Variants in WSB2 observed in about 807,000 individuals in gnomAD.
WSB2 encodes the protein WD repeat and SOCS box containing 2.
WSB2 carries 12 observed loss-of-function variants against 48.8 expected under a neutral mutation model. That is an observed-to-expected ratio of 0.25 (90% CI 0.16 to 0.40). The LOEUF is 0.40. Among genes scored for constraint, WSB2 ranks in the 10% least tolerant of loss-of-function variants. The pLI is 1.00. For synonymous variants in WSB2, 191 were observed against 203.1 expected (o/e 0.94, Z 0.51); for missense variants, 317 against 506.2 (o/e 0.63, Z 3.59).
intron 2 of WSB2, among the ~76,000 whole-genome samples, chr12:118,048,582 C>CAA (rs111998638): frequency 0.013 from 1,680 of 130,492 alleles, 33 homozygotes; most frequent in African/African-American, 0.045. Context: ...AAGACTCTCT[C>CAA]AAAAAAAAAA....
Position 118,043,215 on chromosome 12 carries a change from G to T in WSB2, c.345C>A (p.His115Gln). Residue 115 changes from histidine (H) to glutamine (Q), a missense_variant, in exon 3 of 9, where the codon CAC becomes CAA. Coordinates refer to ENST00000315436, the MANE Select transcript of WSB2 (RefSeq NM_018639.5). Reference sequence around the variant, plus strand: ...GGCAAGAGACATCGGGCACTTGGGGGTGGTGGCGTGCCCAGAGCTTCCTGC... The same window carrying T: ...GGCAAGAGACATCGGGCACTTGGGGTTGGTGGCGTGCCCAGAGCTTCCTGC... ...PPSRKLWARH[H>Q]PQVPDVSCLV... 6.2e-7 allele frequency: 1 copy of T among 1,614,236 alleles called. No homozygotes were observed. Among genetic ancestry groups the T allele is most frequent in the Middle Eastern group, 1.6e-4 (1 of 6,062 alleles).
At chr12:118,062,038 G>A (rs1026567184), upstream of WSB2, 5 of 1,488,714 alleles carry the variant, frequency 3.4e-6, no homozygotes, top group Admixed American at 4.1e-5. Context: ...CGGAGTGGGG[G>A]TGGGAACGAG....
At position 118,061,061 on chromosome 12, in the gene WSB2, C is replaced by A. The variant is rs1234851598; in HGVS notation, c.-13G>T. On this transcript the variant is annotated 5_prime_UTR_variant, in exon 1 of 9. Transcript: ENST00000315436. ...CTCCGGCCTCCATGGAGGACGCGAG[C>A]GGCCCCCGCGGCAGGCGGCGGGCGC... The A allele has an allele frequency of 6.5e-5, 64 of 983,422 alleles. No individual in the cohort carries two copies. Among genetic ancestry groups the A allele is most frequent in the Admixed American group, 1.3e-4 (2 of 15,868 alleles). The allele number at this position is 983,422 out of a possible 1,614,324, so 60.9% of individuals were successfully genotyped here.
intron 2 of WSB2, among the ~76,000 whole-genome samples, chr12:118,050,504 G>A (rs1411925384): frequency 1.3e-5 from 2 of 151,918 alleles, no homozygotes; most frequent in African/African-American, 2.4e-5. Context: ...GGCTGGGCAT[G>A]GTGGCGCGCC....
intron 4 of WSB2, among the ~76,000 whole-genome samples, chr12:118,040,194 G>A (rs1245301726): frequency 6.6e-6 from 1 of 151,956 alleles, no homozygotes; most frequent in Non-Finnish European, 1.5e-5. Flanking sequence ...GTCAATCATG[G>A]TTTCTTCAGC....
chr12:118,043,355 T>C lies in WSB2; in HGVS notation c.205A>G (p.Lys69Glu). 6.3e-7 allele frequency: 1 copy of C among 1,579,152 alleles called. No individual in the cohort carries two copies. ...EQFIPKGFEAKSRSSKNETKG... is the reference protein window; with the variant it reads ...EQFIPKGFEAESRSSKNETKG... The stretch of plus-strand genomic sequence containing the variant: ...GTCTCATTTTTGCTACTTCGGCTTT[T>C]GGCTTCAAACCCTTTAGGGATGCTG... Residue 69 changes from lysine to glutamate, a missense_variant, in exon 3 of 9, where the codon AAA (lysine) becomes GAA (glutamate). Lys to Glu is a moderately conservative substitution (Grantham distance 56). Coordinates refer to ENST00000315436, the MANE Select transcript of WSB2 (RefSeq NM_018639.5).
Position 118,060,891 on chromosome 12 carries a change from C to T in WSB2, c.13+145G>A. On this transcript the variant is annotated intron_variant, in intron 1 of 8. Coordinates refer to ENST00000315436, the MANE Select transcript of WSB2 (RefSeq NM_018639.5). The surrounding 1 kb of genome is among the most constrained non-coding windows in gnomAD (Gnocchi z 4.1). ...CGGGCGCGCACCCCCGCCGGCCCCG[C>T]GCGGACCTCCCAGGCCGGACGCCCC... 7.4e-6 allele frequency: 2 copies of T among 269,144 alleles called. No homozygotes were observed. The highest frequency in any genetic ancestry group is 1.1e-5 in the Non-Finnish European group (2 of 175,240). 16.7% of individuals were successfully genotyped at this position (269,144 alleles called of 1,614,324 possible).
rs2032054936 is a variant in WSB2 at position 118,061,068 on chromosome 12, C to T, written c.-20G>A. 1.0e-6 allele frequency: 1 copy of T among 983,600 alleles called. No homozygotes were observed. Among genetic ancestry groups the T allele is most frequent in the Non-Finnish European group, 1.2e-6 (1 of 830,058 alleles). 60.9% of individuals were successfully genotyped at this position (983,600 alleles called of 1,614,324 possible). On this transcript the variant is annotated 5_prime_UTR_variant, in exon 1 of 9. Transcript: ENST00000315436. ...CTCCATGGAGGACGCGAGCGGCCCC[C>T]GCGGCAGGCGGCGGGCGCCTCAGCC...
At chr12:118,048,203 A>T (rs781376897) in intron 2 of WSB2, among the ~76,000 whole-genome samples, 60 of 151,472 alleles carry the variant, frequency 4.0e-4, no homozygotes, top group Middle Eastern at 3.4e-3. Flanking sequence ...TGCTGGGATT[A>T]CAGGCGTGAG....
rs138737831 is a variant in WSB2, at chr12:118,037,001, G to A, written c.661-491C>T. Among the ~76,000 whole-genome samples, 246 of 152,232 alleles carry A rather than the reference G, an allele frequency of 1.6e-3. 2 individuals are homozygous for A. The highest frequency in any genetic ancestry group is 5.8e-3 in the African/African-American group (240 of 41,538). ...GTTCAAGACCAGCTTGGTCAACATG[G>A]CAAAACCCCATCTCTACTGAAAATA... On this transcript the variant is annotated intron_variant, in intron 5 of 8. Coordinates refer to ENST00000315436, the MANE Select transcript of WSB2 (RefSeq NM_018639.5).
chr12:118,035,141 A>G (rs1179247242), intron 7 of WSB2, 48 bp from the exon 8 acceptor site: 4 of 1,612,766 alleles, frequency 2.5e-6, no homozygotes, highest in Non-Finnish European at 2.5e-6. Flanking sequence ...CCAGGGCCAG[A>G]CCAAGAGGGC....
In WSB2 at chr12:118,043,316, T is replaced by C. The variant is rs1229006821; in HGVS notation, c.244A>G (p.Ser82Gly). 5.0e-6 allele frequency: 8 copies of C among 1,605,862 alleles called. No homozygotes were observed. Among genetic ancestry groups the C allele is most frequent in the Non-Finnish European group, 6.8e-6 (8 of 1,175,844 alleles). The change falls in exon 3 of 9, where the codon AGC becomes GGC. Residue 82 changes from serine (S) to glycine (G), a missense_variant. Physicochemically the swap from Ser to Gly is moderately conservative, Grantham distance 56. This residue lies in a region of WSB2 where 128 missense variants were observed against 156.7 expected (regional missense o/e 0.82). Transcript: ENST00000315436. Reference protein sequence around the residue: ...SSKNETKGRGSPKEKTLDCGQ... With the variant: ...SSKNETKGRGGPKEKTLDCGQ... ...CAGTCCAGCGTCTTCTCTTTTGGGC[T>C]GCCCCGCCCTTTCGTCTCATTTTTG...
chr12:118,059,398 G>A (rs1284805806), intron 1 of WSB2, among the ~76,000 whole-genome samples: 1 of 151,830 alleles, frequency 6.6e-6, no homozygotes, highest in African/African-American at 2.4e-5. Flanking sequence ...TGGCCTAGAG[G>A]GTGCCTGGCA....
chr12:118,057,505 C>T (rs1490091701), intron 1 of WSB2, among the ~76,000 whole-genome samples: 1 of 152,104 alleles, frequency 6.6e-6, no homozygotes, highest in African/African-American at 2.4e-5. Context: ...GAACTCCTGA[C>T]CTCAGGTGAT....
chr12:118,054,469 G>A lies in WSB2; in HGVS notation c.14-1991C>T, dbSNP rs569398909. 1.9e-4 allele frequency among the ~76,000 whole-genome samples: 28 copies of A among 147,314 alleles called. No individual in the cohort carries two copies. In the South Asian group the frequency reaches 4.2e-3, roughly 22 times the overall value. On this transcript the variant is annotated intron_variant, in intron 1 of 8. Transcript: ENST00000315436. ...GCAGATCACCTGAGGTCGGGAGTTC[G>A]AGACCAGCCTGACCAACATGGAGAA... is the stretch of plus-strand genomic sequence containing the variant.
chr12:118,058,449 G>A (rs1469980063), intron 1 of WSB2, among the ~76,000 whole-genome samples: 2 of 152,024 alleles, frequency 1.3e-5, no homozygotes, highest in Non-Finnish European at 2.9e-5. Context: ...CCCAGGCTCA[G>A]ATGATCCTCC....
At position 118,036,456 on chromosome 12, in the gene WSB2, G is replaced by C. The variant is rs776589314; in HGVS notation, c.715C>G (p.Gln239Glu). The C allele has an allele frequency of 4.3e-6, 7 of 1,614,206 alleles. No homozygotes were observed. The highest frequency in any genetic ancestry group is 1.7e-5 in the Admixed American group (1 of 60,012). ...YTLIRKLEGH[Q>E]SSVVSCDFSP... Reference sequence around the variant, plus strand: ...AAGTCACAAGAGACAACACTGCTTTGATGGCCCTCTAGCTTCCGAATTAAC... The same window carrying C: ...AAGTCACAAGAGACAACACTGCTTTCATGGCCCTCTAGCTTCCGAATTAAC... The change falls in exon 6 of 9, where the codon CAA (glutamine) becomes GAA (glutamate). Residue 239 changes from glutamine (Q) to glutamate (E), a missense_variant. Gln to Glu is a conservative substitution (Grantham distance 29). This residue lies in a region of WSB2 where 189 missense variants were observed against 349.6 expected (regional missense o/e 0.54). Coordinates refer to ENST00000315436, the MANE Select transcript of WSB2 (RefSeq NM_018639.5).
Position 118,035,267 on chromosome 12 carries a change from T to C in WSB2, c.891A>G (p.Arg297=). ...AGCCTTCTGGAGAGAAGCACACAGA[T>C]CTCAGTGAGCTAATGTGGACGTCAC... ...DDSDVHISSL[R]SVCFSPEGLY... Residue 297 remains arginine (R), a synonymous_variant, in exon 7 of 9, where the codon AGA becomes AGG. Transcript: ENST00000315436. The C allele has an allele frequency of 6.2e-7, 1 of 1,614,176 alleles. No individual in the cohort carries two copies. The highest frequency in any genetic ancestry group is 8.5e-7 in the Non-Finnish European group (1 of 1,180,046).
intron 5 of WSB2, 177 bp downstream of exon 5, chr12:118,038,111 T>C: frequency 2.0e-6 from 1 of 492,136 alleles, no homozygotes; most frequent in Non-Finnish European, 3.5e-6. Context: ...CTCCTGTCTT[T>C]GGGTTCGTGT....
Sources: gnomAD v4.1 joint callset for allele counts (sites outside exome capture counted in the v4.1 genomes callset) on GRCh38, gnomAD v4.1.1 for gene constraint, gnomAD v4.1.1 regional missense constraint, Gnocchi (gnomAD v3.1) non-coding constraint, MANE v1.5 for transcripts, NCBI Gene and HGNC (gene_info 2026-07-23, HGNC 2026-07-21) for gene names.